LAMA4: variants seen among roughly 807,000 people sequenced by gnomAD.
The protein encoded by LAMA4 is laminin subunit alpha 4.
Under a neutral mutation model 207.1 loss-of-function variants are expected in LAMA4, and 127 were observed. That is an observed-to-expected ratio of 0.61 (90% CI 0.53 to 0.71). The LOEUF (loss-of-function observed/expected upper bound fraction) is 0.71, where lower values mean the gene tolerates loss of function less well. LAMA4 is among the 30% of genes least tolerant of loss of function. The pLI is 0.00. For synonymous variants in LAMA4, 761 were observed against 816.0 expected (o/e 0.93, Z 1.15); for missense variants, 2,093 against 2,246.5 (o/e 0.93, Z 1.38).
At chr6:112,214,124 A>G (rs985703727) in intron 3 of LAMA4, 5 of 658,676 alleles carry the variant, frequency 7.6e-6, no homozygotes, top group African/African-American at 7.3e-5. Context: ...TTCCAGTGTG[A>G]CACCACAGAC....
chr6:112,128,984 A>G lies in LAMA4; in HGVS notation c.4225T>C (p.Leu1409=), dbSNP rs781860221. Residue 1409 remains leucine (L), a synonymous_variant, in exon 31 of 39, where the codon TTG becomes CTG. Transcript: ENST00000230538. ...TTTCCTTTTTTATGGAGGAGAAACA[A>G]TGGTGAAGACTCAATGGGACACTCA... ...LYECPIESSP[L]FLLHKKGKNL... 21 of 1,613,104 alleles carry G rather than the reference A, an allele frequency of 1.3e-5. No homozygotes were observed. Among genetic ancestry groups the G allele is most frequent in the Non-Finnish European group, 1.7e-5 (20 of 1,179,162 alleles).
At chr6:112,206,123 A>G (rs1282503575) in intron 4 of LAMA4, among the ~76,000 whole-genome samples, 1 of 152,228 alleles carries the variant, frequency 6.6e-6, no homozygotes, top group African/African-American at 2.4e-5. Context: ...AAACTCTGTG[A>G]GTCATCTTAA....
Position 112,122,172 on chromosome 6 carries a change from C to G in LAMA4, c.4317G>C (p.Trp1439Cys), listed in dbSNP as rs1554326346. ...KGGKSKDAPS[W>C]DPVALKLPER... ...CTGGGAGTTTCAGAGCAACAGGATC[C>G]CATGAAGGTGCATCTTTACTTTTCC... is the stretch of plus-strand genomic sequence containing the variant. The change falls in exon 32 of 39, where the codon TGG becomes TGC. Residue 1439 changes from tryptophan to cysteine, a missense_variant. By Grantham distance (215) the Trp-to-Cys change is radical. Around this residue, in one of 3 missense-constraint regions of LAMA4, gnomAD observed 1,704 missense variants for 1,788.4 expected, o/e 0.95. Coordinates refer to ENST00000230538, the MANE Select transcript of LAMA4 (RefSeq NM_001105206.3). 1 of 1,613,628 alleles carries G rather than the reference C, an allele frequency of 6.2e-7. No individual in the cohort carries two copies. Among genetic ancestry groups the G allele is most frequent in the East Asian group, 2.2e-5 (1 of 44,868 alleles).
At chr6:112,197,590 A>T (rs1271149780) in intron 5 of LAMA4, among the ~76,000 whole-genome samples, 3 of 152,214 alleles carry the variant, frequency 2.0e-5, no homozygotes, top group Non-Finnish European at 4.4e-5. Context: ...ATAAATTTTC[A>T]AATACAACAT....
At chr6:112,151,239 CATT>C (rs1167291411) in intron 16 of LAMA4, among the ~76,000 whole-genome samples, 4 of 152,128 alleles carry the variant, frequency 2.6e-5, no homozygotes, top group Admixed American at 6.5e-5. Context: ...TGTTTTTAAA[CATT>C]ATTCAAGTGA....
rs782414007 is a variant in LAMA4 at position 112,140,722 on chromosome 6, A to G, written c.2976+38T>C. ...ATGGATTTATAAAAACAATTACTGT[A>G]GATTTGTAATAGGTCAAAATATAGC... On this transcript the variant is annotated intron_variant, in intron 22 of 38. Transcript: ENST00000230538. 21 of 1,593,688 alleles carry G rather than the reference A, an allele frequency of 1.3e-5. No individual in the cohort carries two copies. In the South Asian group the frequency reaches 2.3e-4, roughly 18 times the overall value.
chr6:112,220,656 C>T (rs1006591693), intron 2 of LAMA4, among the ~76,000 whole-genome samples: 35 of 152,022 alleles, frequency 2.3e-4, no homozygotes, highest in African/African-American at 8.2e-4. Flanking sequence ...GACCTTTATA[C>T]GAGTATCTGA....
intron 4 of LAMA4, 116 bp downstream of exon 4, chr6:112,206,905 G>A: frequency 1.7e-6 from 2 of 1,196,188 alleles, no homozygotes; most frequent in Non-Finnish European, 2.4e-6. Context: ...ATCTCAATAT[G>A]AGGTTTTGCC....
chr6:112,176,056 G>A (rs1782005515), intron 10 of LAMA4, among the ~76,000 whole-genome samples: 2 of 152,174 alleles, frequency 1.3e-5, no homozygotes, highest in African/African-American at 4.8e-5. Context: ...AATACAAAAT[G>A]AGGGTTTGTT....
At position 112,158,772 on chromosome 6, in the gene LAMA4, G is replaced by C; in HGVS notation, c.1777C>G (p.His593Asp). 1.2e-6 allele frequency: 2 copies of C among 1,613,752 alleles called. No individual in the cohort carries two copies. Among genetic ancestry groups the C allele is most frequent in the Non-Finnish European group, 1.7e-6 (2 of 1,179,730 alleles). ...GCTTCTTGTTGAAGGTCCTGTGCAT[G>C]GTCAATAGCTTCTTGGACTAAATCA... Reference protein sequence around the residue: ...SHDLVQEAIDHAQDLQQEANE... With the variant: ...SHDLVQEAIDDAQDLQQEANE... Residue 593 changes from histidine to aspartate, a missense_variant, in exon 14 of 39, where the codon CAT becomes GAT. Coordinates refer to ENST00000230538, the MANE Select transcript of LAMA4 (RefSeq NM_001105206.3).
chr6:112,141,426 C>T lies in LAMA4; in HGVS notation c.2745G>A (p.Val915=), dbSNP rs1554333214. Residue 915 remains valine (V), a synonymous_variant, in exon 21 of 39, where the codon GTG becomes GTA. Transcript: ENST00000230538. ...VYVYNLGTKD[V]EIPLDSKPVS... ...CGGGCTTGGAGTCCAGGGGAATCTCCACATCTTTAGTTCCCAAATTATAGA... is the reference window on the plus strand; with the variant it reads ...CGGGCTTGGAGTCCAGGGGAATCTCTACATCTTTAGTTCCCAAATTATAGA... 3.7e-6 allele frequency: 6 copies of T among 1,613,270 alleles called. No individual in the cohort carries two copies. The highest frequency in any genetic ancestry group is 5.1e-6 in the Non-Finnish European group (6 of 1,179,356).
intron 2 of LAMA4, among the ~76,000 whole-genome samples, chr6:112,221,816 T>A (rs1056938985): frequency 2.0e-4 from 31 of 152,198 alleles, no homozygotes; most frequent in Non-Finnish European, 2.9e-4. Flanking sequence ...TCAAGGATTT[T>A]CTAGTGGAGA....
intron 2 of LAMA4, among the ~76,000 whole-genome samples, chr6:112,235,932 G>A (rs1218984608): frequency 6.6e-6 from 1 of 152,192 alleles, no homozygotes; most frequent in African/African-American, 2.4e-5. Context: ...ATGACCAAAG[G>A]CGAAGAGAAC....
At chr6:112,194,840 C>T (rs1163180244) in intron 5 of LAMA4, among the ~76,000 whole-genome samples, 1 of 152,126 alleles carries the variant, frequency 6.6e-6, no homozygotes, top group Non-Finnish European at 1.5e-5. Flanking sequence ...TAGCCTGGTC[C>T]TATTTTTTCT....
At chr6:112,220,574 C>A (rs1784869095) in intron 2 of LAMA4, among the ~76,000 whole-genome samples, 1 of 152,010 alleles carries the variant, frequency 6.6e-6, no homozygotes, top group African/African-American at 2.4e-5. Context: ...ATCATATGAT[C>A]ATAATATTAT....
intron 20 of LAMA4, 134 bp from the exon 21 acceptor site, chr6:112,141,637 C>G: frequency 1.4e-6 from 1 of 722,930 alleles, no homozygotes; most frequent in Non-Finnish European, 2.4e-6. Context: ...TTATCCGAAG[C>G]TCCTGTGAGC....
In LAMA4 at chr6:112,146,937, G is replaced by T. The variant is rs1780064497; in HGVS notation, c.2353+1220C>A. ...TATGTTAGATATTGATTATGGAAAT[G>T]TTTATAAGACAGAGTCCCCCTGCTC... is the stretch of plus-strand genomic sequence containing the variant. On this transcript the variant is annotated intron_variant, in intron 18 of 38. Transcript: ENST00000230538. 2.0e-5 allele frequency among the ~76,000 whole-genome samples: 3 copies of T among 152,288 alleles called. No homozygotes were observed. The Middle Eastern group carries it at 0.01, about 518-fold the overall frequency.
At chr6:112,231,966 T>A (rs1785594074) in intron 2 of LAMA4, among the ~76,000 whole-genome samples, 1 of 152,228 alleles carries the variant, frequency 6.6e-6, no homozygotes, top group Admixed American at 6.5e-5. Context: ...AGACAAATGA[T>A]AATGAAATTC....
chr6:112,225,410 G>T (rs1554362084), intron 2 of LAMA4, among the ~76,000 whole-genome samples: 1 of 152,162 alleles, frequency 6.6e-6, no homozygotes, highest in Non-Finnish European at 1.5e-5. Context: ...AATGTATTTT[G>T]CATTAAAGTA....
Sources: gnomAD v4.1 joint callset for allele counts (sites outside exome capture counted in the v4.1 genomes callset) on GRCh38, gnomAD v4.1.1 for gene constraint, gnomAD v4.1.1 regional missense constraint, MANE v1.5 for transcripts, NCBI Gene and HGNC (gene_info 2026-07-23, HGNC 2026-07-21) for gene names.